The following PCDH9 variants were observed in gnomAD, a reference collection of about 807,000 sequenced individuals.
PCDH9 encodes the protein protocadherin 9.
Under a neutral mutation model 70.6 loss-of-function variants are expected in PCDH9, and 24 were observed. The ratio of observed to expected loss-of-function variants is 0.34; its 90% CI spans 0.25 to 0.48. The LOEUF is 0.48. Among genes scored for constraint, PCDH9 ranks in the 20% least tolerant of loss-of-function variants. The probability of loss-of-function intolerance (pLI) is 0.99; values close to 1 mark genes in which losing one functional copy is unlikely to be tolerated. For synonymous variants in PCDH9, 562 were observed against 558.5 expected (o/e 1.01, Z -0.09); for missense variants, 1,281 against 1,503.6 (o/e 0.85, Z 2.45).
At chr13:67,044,235 A>G (rs1425327810) in intron 2 of PCDH9, among the ~76,000 whole-genome samples, 1 of 152,180 alleles carries the variant, frequency 6.6e-6, no homozygotes. Flanking sequence ...CCTTTGTTCA[A>G]TCGAGAGAAA....
intron 2 of PCDH9, among the ~76,000 whole-genome samples, chr13:67,200,786 G>C (rs550359194): frequency 9.9e-5 from 15 of 152,094 alleles, no homozygotes; most frequent in Admixed American, 2.0e-4. Flanking sequence ...GGAGAGTGAG[G>C]GGGGAAGCCC....
chr13:67,014,639 T>C (rs1163486836), intron 2 of PCDH9, among the ~76,000 whole-genome samples: 1 of 152,058 alleles, frequency 6.6e-6, no homozygotes, highest in African/African-American at 2.4e-5. Flanking sequence ...AGCCAATCCT[T>C]CAGCAGGTGA....
chr13:66,758,551 C>T (rs1453566772), intron 3 of PCDH9, among the ~76,000 whole-genome samples: 1 of 151,836 alleles, frequency 6.6e-6, no homozygotes, highest in Non-Finnish European at 1.5e-5. Context: ...TTTATTCCTT[C>T]TATCTATCTG....
At chr13:66,550,746 C>G (rs1302922032) in intron 4 of PCDH9, among the ~76,000 whole-genome samples, 2 of 152,148 alleles carry the variant, frequency 1.3e-5, no homozygotes, top group African/African-American at 2.4e-5. Flanking sequence ...GCTAAACCCC[C>G]TCTTACCTAA....
intron 4 of PCDH9, among the ~76,000 whole-genome samples, chr13:66,445,855 T>G (rs1958079045): frequency 6.7e-6 from 1 of 148,996 alleles, no homozygotes; most frequent in Non-Finnish European, 1.5e-5. Flanking sequence ...TACACATATA[T>G]AAAGAAAAAA....
At chr13:66,843,328 G>C (rs1451585237) in intron 3 of PCDH9, among the ~76,000 whole-genome samples, 1 of 147,906 alleles carries the variant, frequency 6.8e-6, no homozygotes, top group Non-Finnish European at 1.5e-5. Flanking sequence ...TATTAAAGAA[G>C]TATTCAGCTA....
intron 3 of PCDH9, among the ~76,000 whole-genome samples, chr13:66,776,889 G>A (rs1392739213): frequency 7.1e-6 from 1 of 140,972 alleles, no homozygotes; most frequent in Non-Finnish European, 1.5e-5. Context: ...ATACTACAAG[G>A]CTACAGTAAC....
chr13:66,749,161 A>G (rs2139221715), intron 3 of PCDH9, among the ~76,000 whole-genome samples: 1 of 152,296 alleles, frequency 6.6e-6, no homozygotes, highest in Admixed American at 6.5e-5. Context: ...CCAGTTCTTT[A>G]TAGCAGCATA....
At chr13:66,506,178 C>T (rs970054156) in intron 4 of PCDH9, among the ~76,000 whole-genome samples, 3 of 152,110 alleles carry the variant, frequency 2.0e-5, no homozygotes, top group African/African-American at 7.2e-5. Context: ...CACCAGAAAC[C>T]TCTGTGAAGC....
intron 2 of PCDH9, among the ~76,000 whole-genome samples, chr13:67,070,238 TAA>T (rs1261681389): frequency 6.6e-6 from 1 of 152,020 alleles, no homozygotes; most frequent in Non-Finnish European, 1.5e-5. Context: ...CAAAAAAAGG[TAA>T]AGACACCCAT....
chr13:66,632,028 G>T (rs2077578588), intron 3 of PCDH9, among the ~76,000 whole-genome samples: 1 of 152,120 alleles, frequency 6.6e-6, no homozygotes, highest in Admixed American at 6.5e-5. Flanking sequence ...CAAGTAGCTG[G>T]GATTTCAGGC....
chr13:66,832,529 T>C (rs1297497543), intron 3 of PCDH9, among the ~76,000 whole-genome samples: 2 of 152,080 alleles, frequency 1.3e-5, no homozygotes, highest in Admixed American at 1.3e-4. Context: ...TATGTGTATA[T>C]TGAGTATACA....
intron 4 of PCDH9, among the ~76,000 whole-genome samples, chr13:66,318,791 C>T (rs1239717972): frequency 3.3e-5 from 5 of 152,102 alleles, no homozygotes; most frequent in Non-Finnish European, 7.4e-5. Flanking sequence ...ATTTGCTTTC[C>T]ATCTAGATTT....
chr13:66,380,154 T>C (rs1442304866), intron 4 of PCDH9, among the ~76,000 whole-genome samples: 1 of 152,174 alleles, frequency 6.6e-6, no homozygotes, highest in African/African-American at 2.4e-5. Flanking sequence ...GGCTCTCTGA[T>C]CATAAGCAAT....
chr13:66,924,994 TA>T, intron 2 of PCDH9, among the ~76,000 whole-genome samples: 1 of 151,790 alleles, frequency 6.6e-6, no homozygotes, highest in South Asian at 2.1e-4. Flanking sequence ...ATTTTTTTTA[TA>T]AAAAACATGG....
At chr13:66,327,931 C>A (rs1026976130) in intron 4 of PCDH9, among the ~76,000 whole-genome samples, 2 of 152,078 alleles carry the variant, frequency 1.3e-5, no homozygotes, top group Admixed American at 6.6e-5. Flanking sequence ...CTCTCTAAAG[C>A]TATATTTCTC....
chr13:66,940,055 A>G (rs1302304774), intron 2 of PCDH9, among the ~76,000 whole-genome samples: 1 of 152,208 alleles, frequency 6.6e-6, no homozygotes, highest in African/African-American at 2.4e-5. Flanking sequence ...TAGGTGGAGA[A>G]TAAGAATGCT....
intron 3 of PCDH9, among the ~76,000 whole-genome samples, chr13:66,858,294 T>C (rs534914639): frequency 2.6e-5 from 4 of 152,330 alleles, no homozygotes; most frequent in Admixed American, 2.0e-4. Context: ...TTTCGTTTTG[T>C]TTATTTTATC....
intron 4 of PCDH9, among the ~76,000 whole-genome samples, chr13:66,335,663 T>C (rs1040364010): frequency 6.6e-6 from 1 of 151,960 alleles, no homozygotes; most frequent in Non-Finnish European, 1.5e-5. Flanking sequence ...AAACCAAGAG[T>C]TGTCTGATTT....
Sources: allele counts gnomAD v4.1 joint callset (sites outside exome capture counted in the v4.1 genomes callset), GRCh38; gene constraint gnomAD v4.1.1; transcripts MANE v1.5; gene names NCBI Gene and HGNC (gene_info 2026-07-23, HGNC 2026-07-21).